The following DZIP1L variants were observed in gnomAD, a reference collection of about 807,000 sequenced individuals.
DZIP1L encodes the protein cilium assembly protein DZIP1L.
DZIP1L carries 90 observed loss-of-function variants against 88.7 expected under a neutral mutation model. The observed-to-expected ratio is 1.02, with a 90% confidence interval of 0.86 to 1.21. The LOEUF (loss-of-function observed/expected upper bound fraction) is 1.21, where lower values mean the gene tolerates loss of function less well. Among genes scored for constraint, DZIP1L ranks in the 50% most tolerant of loss-of-function variants. The probability of loss-of-function intolerance (pLI) is 0.00; values close to 1 mark genes in which losing one functional copy is unlikely to be tolerated. For synonymous variants in DZIP1L, 363 were observed against 372.1 expected, an observed-to-expected ratio of 0.98 and a Z score of 0.28; for missense variants, 932 against 955.8, an observed-to-expected ratio of 0.98 and a Z score of 0.33.
intron 12 of DZIP1L, chr3:138,069,129 C>G (rs1472968755): frequency 2.8e-6 from 2 of 707,112 alleles, no homozygotes; most frequent in Non-Finnish European, 5.0e-6. Context: ...CGTGAGACAG[C>G]AAGAGCAACC....
chr3:138,077,369 G>A (rs1943460620), intron 11 of DZIP1L, 130 bp downstream of exon 11: 3 of 1,393,814 alleles, frequency 2.2e-6, no homozygotes, highest in Non-Finnish European at 3.0e-6. Context: ...GATGCCAGAG[G>A]AGCCCGGGCT....
chr3:138,066,300 CT>C (rs1244429071), intron 14 of DZIP1L, among the ~76,000 whole-genome samples: 2 of 152,216 alleles, frequency 1.3e-5, no homozygotes, highest in African/African-American at 4.8e-5. Flanking sequence ...TTGGAGGCTA[CT>C]TTGACCACTG....
chr3:138,090,037 G>A (rs893482653), intron 5 of DZIP1L, among the ~76,000 whole-genome samples: 1 of 152,028 alleles, frequency 6.6e-6, no homozygotes, highest in Admixed American at 6.5e-5. Flanking sequence ...CAGCTACTCA[G>A]GAGGCTGAAG....
At chr3:138,069,239 T>G (rs1435115532) in intron 12 of DZIP1L, 1 of 534,192 alleles carries the variant, frequency 1.9e-6, no homozygotes, top group Admixed American at 3.1e-5. Flanking sequence ...GTAAACATAT[T>G]TGCTCTTCCT....
At chr3:138,106,087 T>C (rs1320410060) in intron 1 of DZIP1L, among the ~76,000 whole-genome samples, 1 of 151,336 alleles carries the variant, frequency 6.6e-6, no homozygotes, top group Non-Finnish European at 1.5e-5. Flanking sequence ...TTTACCCTAT[T>C]TAATCAAGTC....
chr3:138,070,120 C>G (rs182304607), intron 12 of DZIP1L, among the ~76,000 whole-genome samples: 1 of 152,216 alleles, frequency 6.6e-6, no homozygotes, highest in East Asian at 1.9e-4. Context: ...TTTTTCCATT[C>G]ATCCTCCCCA....
chr3:138,065,591 G>A (rs1182102073), intron 14 of DZIP1L, among the ~76,000 whole-genome samples: 1 of 152,200 alleles, frequency 6.6e-6, no homozygotes, highest in Admixed American at 6.5e-5. Context: ...TATTGCCCTT[G>A]CCTGGTGGGC....
chr3:138,078,403 C>A (rs1188507648), intron 10 of DZIP1L, among the ~76,000 whole-genome samples: 2 of 152,198 alleles, frequency 1.3e-5, no homozygotes, highest in African/African-American at 4.8e-5. Flanking sequence ...AAGGACCTCA[C>A]TCACAATCAA....
At chr3:138,098,958 C>G (rs924799255) in intron 2 of DZIP1L, among the ~76,000 whole-genome samples, 1 of 152,162 alleles carries the variant, frequency 6.6e-6, no homozygotes. Flanking sequence ...CCAGCCCGGG[C>G]AACCTGGAGA....
At chr3:138,108,505 C>A (rs373730304) in intron 1 of DZIP1L, among the ~76,000 whole-genome samples, 105 of 152,276 alleles carry the variant, frequency 6.9e-4, no homozygotes, top group African/African-American at 2.5e-3. Flanking sequence ...AGTGGCTATT[C>A]TTTCCCCTTT....
chr3:138,064,786 G>A lies in DZIP1L; in HGVS notation c.2003-19C>T. On this transcript the variant is annotated intron_variant, in intron 14 of 15. Transcript: ENST00000327532. ...AGTGTTCCTGGAAGGTGAAAAAGTGGCTGTGTCAGTGGGAGAAGCCTAGAA... is the reference window on the plus strand; with the variant it reads ...AGTGTTCCTGGAAGGTGAAAAAGTGACTGTGTCAGTGGGAGAAGCCTAGAA... 6.4e-7 allele frequency: 1 copy of A among 1,550,398 alleles called. No individual in the cohort carries two copies. Among genetic ancestry groups the A allele is most frequent in the Non-Finnish European group, 8.7e-7 (1 of 1,152,370 alleles).
intron 9 of DZIP1L, among the ~76,000 whole-genome samples, chr3:138,081,339 T>C (rs551688954): frequency 6.6e-6 from 1 of 152,062 alleles, no homozygotes; most frequent in Non-Finnish European, 1.5e-5. Flanking sequence ...ACAGGACACA[T>C]TCACATGGGG....
chr3:138,084,375 G>C, intron 7 of DZIP1L, 122 bp from the exon 8 acceptor site: 1 of 1,322,562 alleles, frequency 7.6e-7, no homozygotes, highest in Non-Finnish European at 1.0e-6. Flanking sequence ...TTTGAGACCT[G>C]GACAGGCTTT....
At chr3:138,108,360 C>T (rs2042553802) in intron 1 of DZIP1L, among the ~76,000 whole-genome samples, 1 of 152,040 alleles carries the variant, frequency 6.6e-6, no homozygotes, top group Admixed American at 6.5e-5. Context: ...CTGAGAACTG[C>T]ACTGTTTAAC....
intron 14 of DZIP1L, among the ~76,000 whole-genome samples, chr3:138,065,464 C>T (rs1244315070): frequency 6.6e-6 from 1 of 152,200 alleles, no homozygotes; most frequent in South Asian, 2.1e-4. Flanking sequence ...TGTCCAAATA[C>T]CTCATTTTAT....
At chr3:138,083,111 T>C (rs1393945013) in intron 8 of DZIP1L, among the ~76,000 whole-genome samples, 2 of 152,198 alleles carry the variant, frequency 1.3e-5, no homozygotes, top group African/African-American at 4.8e-5. Flanking sequence ...AACTGAATCA[T>C]TTGCAAATAA....
At chr3:138,099,650 T>C (rs1165337796) in intron 2 of DZIP1L, among the ~76,000 whole-genome samples, 2 of 152,148 alleles carry the variant, frequency 1.3e-5, no homozygotes, top group Admixed American at 6.5e-5. Flanking sequence ...CCCTCATATA[T>C]AGATTAATGC....
At chr3:138,067,435 G>T in intron 14 of DZIP1L, 96 bp downstream of exon 14, 1 of 1,372,590 alleles carries the variant, frequency 7.3e-7, no homozygotes, top group Non-Finnish European at 9.8e-7. Context: ...AAAGCCTAAA[G>T]GAAGCTAAAG....
intron 1 of DZIP1L, among the ~76,000 whole-genome samples, chr3:138,113,744 G>A (rs1305267488): frequency 1.3e-5 from 2 of 152,080 alleles, no homozygotes; most frequent in Non-Finnish European, 2.9e-5. Context: ...CCCTCATGGG[G>A]GCTGCAGCGA....
Sources: allele counts gnomAD v4.1 joint callset (sites outside exome capture counted in the v4.1 genomes callset), GRCh38; gene constraint gnomAD v4.1.1; transcripts MANE v1.5; gene names NCBI Gene and HGNC (gene_info 2026-07-23, HGNC 2026-07-21).